Variants in RNF13 observed in about 807,000 individuals in gnomAD.
RNF13 encodes the protein E3 ubiquitin-protein ligase RNF13.
In RNF13, 19 loss-of-function variants were observed where a neutral mutation model predicts 37.7. That is an observed-to-expected ratio of 0.50 (90% CI 0.35 to 0.74). RNF13 has a LOEUF of 0.74. Ranked by LOEUF, RNF13 falls within the 30% of genes least tolerant of loss-of-function variation. RNF13 has a pLI of 0.01. For synonymous variants in RNF13, 144 were observed against 157.8 expected, an observed-to-expected ratio of 0.91 and a Z score of 0.65; for missense variants, 375 against 453.0, an observed-to-expected ratio of 0.83 and a Z score of 1.56.
At chr3:149,882,691 GGAT>G (rs1244994092) in intron 4 of RNF13, among the ~76,000 whole-genome samples, 2 of 152,098 alleles carry the variant, frequency 1.3e-5, no homozygotes, top group Non-Finnish European at 2.9e-5. Context: ...ACTAAGTGCA[GGAT>G]GATTTTGTTT....
intron 8 of RNF13, among the ~76,000 whole-genome samples, chr3:149,954,841 G>A (rs1007273143): frequency 1.1e-4 from 16 of 152,078 alleles, no homozygotes; most frequent in South Asian, 4.1e-4. Context: ...TTCATTACTC[G>A]TTATTGTCCT....
intron 3 of RNF13, among the ~76,000 whole-genome samples, chr3:149,854,275 G>A (rs1723431860): frequency 1.3e-5 from 2 of 151,834 alleles, no homozygotes; most frequent in Non-Finnish European, 2.9e-5. Context: ...TATTTCAACC[G>A]AAAAGTAATA....
At chr3:149,819,437 ACT>A (rs1180838478) in intron 1 of RNF13, among the ~76,000 whole-genome samples, 2 of 150,044 alleles carry the variant, frequency 1.3e-5, no homozygotes, top group Non-Finnish European at 3.0e-5. Context: ...GGATCATAAT[ACT>A]CACTTTCATA....
At chr3:149,828,595 G>C (rs1350949908) in intron 1 of RNF13, among the ~76,000 whole-genome samples, 4 of 152,180 alleles carry the variant, frequency 2.6e-5, no homozygotes, top group Non-Finnish European at 5.9e-5. Flanking sequence ...AGGGTTGGCA[G>C]CCTATGGTAC....
At chr3:149,848,695 A>AT (rs1722865006) in intron 2 of RNF13, among the ~76,000 whole-genome samples, 1 of 151,754 alleles carries the variant, frequency 6.6e-6, no homozygotes. Context: ...GATGCCTTTG[A>AT]TTTTTTGGTT....
chr3:149,907,316 T>C (rs540360785), intron 6 of RNF13, among the ~76,000 whole-genome samples: 1 of 152,322 alleles, frequency 6.6e-6, no homozygotes. Context: ...ATCTTTCCCT[T>C]GTTACTCCCT....
intron 8 of RNF13, among the ~76,000 whole-genome samples, chr3:149,932,111 T>A (rs953053993): frequency 3.3e-5 from 5 of 152,220 alleles, no homozygotes; most frequent in Admixed American, 1.3e-4. Flanking sequence ...TGATTCCATA[T>A]CTTGGCTATT....
At chr3:149,838,759 T>A (rs1721901591) in intron 1 of RNF13, among the ~76,000 whole-genome samples, 1 of 152,012 alleles carries the variant, frequency 6.6e-6, no homozygotes, top group African/African-American at 2.4e-5. Flanking sequence ...TTTTCCCTAT[T>A]TTCTTGGCAA....
At chr3:149,880,858 T>C (rs1398428761) in intron 4 of RNF13, among the ~76,000 whole-genome samples, 4 of 152,148 alleles carry the variant, frequency 2.6e-5, no homozygotes, top group Non-Finnish European at 5.9e-5. Flanking sequence ...CAACAACCTA[T>C]GGAATATTAA....
chr3:149,960,626 T>G (rs1722309313), intron 9 of RNF13, 114 bp from the exon 10 acceptor site: 3 of 1,002,084 alleles, frequency 3.0e-6, no homozygotes, highest in Non-Finnish European at 4.2e-6. Flanking sequence ...AAAATAAACT[T>G]TCTTCCCGTC....
At chr3:149,903,753 C>G (rs1716087654) in intron 6 of RNF13, among the ~76,000 whole-genome samples, 1 of 152,112 alleles carries the variant, frequency 6.6e-6, no homozygotes, top group African/African-American at 2.4e-5. Context: ...ACCCCATAAT[C>G]AAACAAATTA....
At chr3:149,949,659 A>G (rs1018471246) in intron 8 of RNF13, among the ~76,000 whole-genome samples, 2 of 151,122 alleles carry the variant, frequency 1.3e-5, no homozygotes, top group African/African-American at 4.9e-5. Context: ...TGAGGTTCCC[A>G]TAATGCATGT....
At chr3:149,880,186 A>C (rs1195656879) in intron 4 of RNF13, among the ~76,000 whole-genome samples, 7 of 152,210 alleles carry the variant, frequency 4.6e-5, no homozygotes, top group African/African-American at 1.4e-4. Flanking sequence ...AGCTGATTTT[A>C]AGTACAGAAA....
At chr3:149,886,508 A>ATGAT (rs573137880) in intron 4 of RNF13, among the ~76,000 whole-genome samples, 8 of 152,110 alleles carry the variant, frequency 5.3e-5, no homozygotes, top group East Asian at 1.9e-4. Flanking sequence ...ATTCTTTCAT[A>ATGAT]TGATTGATTG....
At chr3:149,900,375 C>T (rs968294254) in intron 5 of RNF13, among the ~76,000 whole-genome samples, 2 of 151,796 alleles carry the variant, frequency 1.3e-5, no homozygotes, top group African/African-American at 4.8e-5. Flanking sequence ...TAGAAAATAT[C>T]TCCCAAATAT....
intron 3 of RNF13, among the ~76,000 whole-genome samples, chr3:149,865,329 GATAT>G (rs3028509): frequency 2.2e-5 from 3 of 139,124 alleles, no homozygotes; most frequent in Admixed American, 7.3e-5. Context: ...ATGTTTTGGT[GATAT>G]ATATATATAT....
rs141251226 is a variant in RNF13, at chr3:149,939,046, G to A, written c.700+17819G>A. The A allele has an allele frequency of 1.2e-3, 575 of 488,460 alleles. 3 individuals are homozygous for A. The highest frequency in any genetic ancestry group is 0.01 in the African/African-American group (519 of 50,072). The allele number at this position is 488,460 out of a possible 1,614,324, so 30.3% of individuals were successfully genotyped here. A position where few individuals can be genotyped will look rare whatever the true frequency, so the allele number is the denominator to read the frequency against. ...TGAATAACCTCCTGGTCAGTCATCCGGAAGCACTCCTCACATAATTGATGA... is the reference window on the plus strand; with the variant it reads ...TGAATAACCTCCTGGTCAGTCATCCAGAAGCACTCCTCACATAATTGATGA... On this transcript the variant is annotated intron_variant, in intron 8 of 9. Coordinates refer to ENST00000392894, the MANE Select transcript of RNF13 (RefSeq NM_183381.3).
chr3:149,885,213 A>G (rs866752310), intron 4 of RNF13, among the ~76,000 whole-genome samples: 3 of 152,034 alleles, frequency 2.0e-5, no homozygotes, highest in East Asian at 1.9e-4. Flanking sequence ...TCTCTTTCAT[A>G]TAGTGATTTT....
At chr3:149,914,403 A>G (rs1717291170) in intron 7 of RNF13, among the ~76,000 whole-genome samples, 1 of 152,124 alleles carries the variant, frequency 6.6e-6, no homozygotes, top group Non-Finnish European at 1.5e-5. Flanking sequence ...CATGTCATTA[A>G]TCATGTAATC....
Sources: allele counts gnomAD v4.1 joint callset (sites outside exome capture counted in the v4.1 genomes callset), GRCh38; gene constraint gnomAD v4.1.1; transcripts MANE v1.5; gene names NCBI Gene and HGNC (gene_info 2026-07-23, HGNC 2026-07-21).